The following ZFHX3 variants were observed in gnomAD, a reference collection of about 807,000 sequenced individuals.
The protein encoded by ZFHX3 is zinc finger homeobox 3, also known as zinc finger homeobox protein 3.
Under a neutral mutation model 279.1 loss-of-function variants are expected in ZFHX3, and 42 were observed. That is an observed-to-expected ratio of 0.15 (90% CI 0.12 to 0.19). The LOEUF is 0.19. Ranked by LOEUF, ZFHX3 falls within the 10% of genes least tolerant of loss-of-function variation. ZFHX3 has a pLI of 1.00. For missense variants in ZFHX3, 4,981 were observed against 4,754.0 expected, an observed-to-expected ratio of 1.05 and a Z score of -1.40; for synonymous variants, 2,293 against 1,957.8, an observed-to-expected ratio of 1.17 and a Z score of -4.52.
At chr16:73,619,821 C>A (rs1263436935) in intron 2 of ZFHX3, among the ~76,000 whole-genome samples, 1 of 152,150 alleles carries the variant, frequency 6.6e-6, no homozygotes, top group Non-Finnish European at 1.5e-5. Context: ...CCTGAATATG[C>A]ACAACAGTCT....
At chr16:73,228,400 C>T (rs574727294) in intron 5 of ZFHX3, among the ~76,000 whole-genome samples, 95 of 152,314 alleles carry the variant, frequency 6.2e-4, no homozygotes, top group Non-Finnish European at 1.1e-3. Flanking sequence ...TGGTGGCTCA[C>T]GCGTATAATC....
chr16:73,543,624 T>C (rs1036771481), intron 2 of ZFHX3, among the ~76,000 whole-genome samples: 6 of 152,200 alleles, frequency 3.9e-5, no homozygotes, highest in African/African-American at 1.4e-4. Context: ...ACATCTTCAA[T>C]AGATCTGTAG....
intron 1 of ZFHX3, among the ~76,000 whole-genome samples, chr16:73,852,529 CA>C (rs942667615): frequency 6.6e-5 from 10 of 152,048 alleles, no homozygotes; most frequent in Non-Finnish European, 1.2e-4. Context: ...AAGATGTTAA[CA>C]AAATGTTTGT....
exon 8 of ZFHX3, chr16:73,093,591 G>A (rs921328232): frequency 2.0e-6 from 1 of 511,830 alleles, no homozygotes; most frequent in Non-Finnish European, 3.9e-6. Flanking sequence ...GGGCTAACCG[G>A]TCGTCTCCTG....
intron 1 of ZFHX3, among the ~76,000 whole-genome samples, chr16:73,724,384 T>C (rs1417897986): frequency 1.3e-5 from 2 of 152,196 alleles, no homozygotes; most frequent in African/African-American, 2.4e-5. Flanking sequence ...TACCCACAGA[T>C]GAATTTTGTT....
chr16:73,129,159 G>T (rs61710719), intron 7 of ZFHX3, among the ~76,000 whole-genome samples: 1,728 of 152,236 alleles, frequency 0.011, 41 homozygotes, highest in African/African-American at 0.04. Flanking sequence ...GCTGAAGTGG[G>T]CAGATCACTT....
chr16:73,174,630 G>A (rs188148482), intron 5 of ZFHX3, among the ~76,000 whole-genome samples: 5 of 152,078 alleles, frequency 3.3e-5, no homozygotes, highest in Admixed American at 6.6e-5. Flanking sequence ...TCCTCTTGCT[G>A]GAAACCTGTA....
At chr16:73,505,261 G>A (rs867328286) in intron 2 of ZFHX3, among the ~76,000 whole-genome samples, 106 of 152,162 alleles carry the variant, frequency 7.0e-4, no homozygotes, top group African/African-American at 2.2e-3. Context: ...AATGCAGAAC[G>A]TCAGCCAGTG....
chr16:73,598,574 C>G (rs889868697), intron 2 of ZFHX3, among the ~76,000 whole-genome samples: 1 of 151,688 alleles, frequency 6.6e-6, no homozygotes, highest in South Asian at 2.1e-4. Context: ...CGCATCGCCA[C>G]GCCCGACCAA....
chr16:73,021,157 C>T (rs776878791), intron 1 of ZFHX3, among the ~76,000 whole-genome samples: 11 of 152,158 alleles, frequency 7.2e-5, no homozygotes, highest in Non-Finnish European at 1.0e-4. Context: ...AATTGTGATG[C>T]TAAGTAGACA....
In ZFHX3 at chr16:72,821,767, C is replaced by T. The variant is rs563397244; in HGVS notation, c.3529+8012G>A. ...CACTGTCTACACATGGTTTCTGTGCCGCTAGCCAGAGATCAGGCATATGAT... is the reference window on the plus strand; with the variant it reads ...CACTGTCTACACATGGTTTCTGTGCTGCTAGCCAGAGATCAGGCATATGAT... On this transcript the variant is annotated intron_variant, in intron 5 of 9. Coordinates refer to ENST00000268489, the MANE Select transcript of ZFHX3 (RefSeq NM_006885.4). Among the ~76,000 whole-genome samples the T allele has an allele frequency of 5.9e-5, 9 of 152,312 alleles. No individual in the cohort carries two copies. In the East Asian group the frequency reaches 1.3e-3, roughly 23 times the overall value.
At chr16:73,286,398 C>G (rs1043708518) in intron 4 of ZFHX3, among the ~76,000 whole-genome samples, 1 of 152,200 alleles carries the variant, frequency 6.6e-6, no homozygotes, top group African/African-American at 2.4e-5. Flanking sequence ...CTCTGTGAAC[C>G]CCAGTCAAGT....
Position 73,880,925 on chromosome 16 carries a change from G to C in ZFHX3, c.-1608+10726C>G, listed in dbSNP as rs192850919. Among the ~76,000 whole-genome samples, 824 of 152,264 alleles carry C rather than the reference G, an allele frequency of 5.4e-3. 2 individuals carry two copies. The highest frequency in any genetic ancestry group is 0.024 in the Middle Eastern group (7 of 294). ...CCCTTTGATGATATAGGCGAGAAGA[G>C]TATGAACACATTTTTAACACTTGAC... On this transcript the variant is annotated intron_variant, in intron 1 of 17. Transcript: ENST00000641206.
Position 72,795,023 on chromosome 16 carries a change from G to C in ZFHX3, c.7659C>G (p.Phe2553Leu), listed in dbSNP as rs1355067819. 3 of 1,614,202 alleles carry C rather than the reference G, an allele frequency of 1.9e-6. No individual in the cohort carries two copies. Among genetic ancestry groups the C allele is most frequent in the Admixed American group, 1.7e-5 (1 of 60,030 alleles). The stretch of plus-strand genomic sequence containing the variant: ...GGATGAACTGGTTCTGCGCGCTCAG[G>C]AAGTGGAGCTGCTGATGCTCCTGCC... ...EHWQEHQQLHFLSAQNQFIHP... is the reference protein window; with the variant it reads ...EHWQEHQQLHLLSAQNQFIHP... Residue 2553 changes from phenylalanine (F) to leucine (L), a missense_variant, in exon 9 of 10, where the codon TTC becomes TTG. Physicochemically the swap from Phe to Leu is conservative, Grantham distance 22. Transcript: ENST00000268489.
At chr16:73,866,973 C>T (rs1019854364) in intron 1 of ZFHX3, among the ~76,000 whole-genome samples, 1 of 152,166 alleles carries the variant, frequency 6.6e-6, no homozygotes, top group South Asian at 2.1e-4. Flanking sequence ...TGGGATTGCC[C>T]CTGAGGGCAT....
At chr16:73,856,939 G>A (rs750281386) in intron 1 of ZFHX3, among the ~76,000 whole-genome samples, 1 of 152,214 alleles carries the variant, frequency 6.6e-6, no homozygotes, top group Non-Finnish European at 1.5e-5. Flanking sequence ...GATCAGGAAC[G>A]AATGTCCAAC....
intron 5 of ZFHX3, among the ~76,000 whole-genome samples, chr16:73,162,439 T>C (rs892053320): frequency 2.0e-5 from 3 of 152,210 alleles, no homozygotes; most frequent in African/African-American, 7.2e-5. Flanking sequence ...TACATGATGG[T>C]GAGTTGTAGA....
chr16:73,310,001 C>A (rs2015287996), intron 4 of ZFHX3, among the ~76,000 whole-genome samples: 1 of 149,638 alleles, frequency 6.7e-6, no homozygotes, highest in Non-Finnish European at 1.5e-5. Flanking sequence ...CTCCACCTCC[C>A]AGGTTCAAGC....
chr16:73,792,735 G>C (rs1457635500), intron 1 of ZFHX3, among the ~76,000 whole-genome samples: 1 of 152,146 alleles, frequency 6.6e-6, no homozygotes, highest in East Asian at 1.9e-4. Flanking sequence ...GAAAACGGTT[G>C]TTCGAAAAGG....
Sources: gnomAD v4.1 joint callset for allele counts (sites outside exome capture counted in the v4.1 genomes callset) on GRCh38, gnomAD v4.1.1 for gene constraint, MANE v1.5 for transcripts, NCBI Gene and HGNC (gene_info 2026-07-23, HGNC 2026-07-21) for gene names.